The following BID variants were observed in gnomAD, a reference collection of about 807,000 sequenced individuals.
BID encodes the protein BH3-interacting domain death agonist.
Under a neutral mutation model 17.4 loss-of-function variants are expected in BID, and 19 were observed. That is an observed-to-expected ratio of 1.09 (90% CI 0.76 to 1.60). BID has a LOEUF of 1.60. BID is among the 40% of genes most tolerant of loss of function. BID has a pLI of 0.00. For missense variants in BID, 226 were observed against 256.0 expected (o/e 0.88, Z 0.80); for synonymous variants, 108 against 102.8 (o/e 1.05, Z -0.31).
Position 17,753,209 on chromosome 22 carries a change from G to A in BID, c.-58-3035C>T, listed in dbSNP as rs8190284. Among the ~76,000 whole-genome samples, 1,293 of 151,956 alleles carry A rather than the reference G, an allele frequency of 8.5e-3. 14 individuals are homozygous for A. The highest frequency in any genetic ancestry group is 0.029 in the African/African-American group (1,193 of 41,430). ...TCTTGATCTCCTGACCTCATGATCC[G>A]CCCGCCTCAGCCTCCCAAAGTGCTA... On this transcript the variant is annotated intron_variant, in intron 1 of 5. Transcript: ENST00000622694.
intron 2 of BID, among the ~76,000 whole-genome samples, chr22:17,744,347 C>A (rs1385189855): frequency 1.3e-5 from 2 of 152,234 alleles, no homozygotes; most frequent in Admixed American, 1.3e-4. Flanking sequence ...GGGAGGCGAG[C>A]GAGTGTCATG....
chr22:17,749,966 G>A, intron 2 of BID, 139 bp downstream of exon 2: 1 of 785,260 alleles, frequency 1.3e-6, no homozygotes, highest in Non-Finnish European at 2.0e-6. Flanking sequence ...GGGCTGGGCG[G>A]GGTTCGTCTG....
chr22:17,764,005 T>C (rs1378292681), intron 1 of BID, among the ~76,000 whole-genome samples: 1 of 152,222 alleles, frequency 6.6e-6, no homozygotes. Context: ...GAGAATTCAA[T>C]TTCTCATTTC....
chr22:17,735,495 T>G lies in BID; in HGVS notation c.*85A>C. ...GTCTTCTCTAGGAACGCTGTTGACA[T>G]GCCAGGGCTCCGTCTACACTGGAAG... On this transcript the variant is annotated 3_prime_UTR_variant, in exon 6 of 6. Transcript: ENST00000622694. 1 of 1,530,238 alleles carries G rather than the reference T, an allele frequency of 6.5e-7. No individual in the cohort carries two copies. The highest frequency in any genetic ancestry group is 9.1e-7 in the Non-Finnish European group (1 of 1,104,946). The allele number at this position is 1,530,238 out of a possible 1,614,324, so 94.8% of individuals were successfully genotyped here. A position where few individuals can be genotyped will look rare whatever the true frequency, so the allele number is the denominator to read the frequency against.
intron 1 of BID, among the ~76,000 whole-genome samples, chr22:17,763,910 A>ATTTTT (rs879281149): frequency 0.046 from 6,942 of 151,908 alleles, 191 homozygotes; most frequent in African/African-American, 0.087. Context: ...AATTTAAAAA[A>ATTTTT]AAAAAAAATC....
intron 1 of BID, among the ~76,000 whole-genome samples, chr22:17,766,573 G>A (rs1023520203): frequency 6.6e-6 from 1 of 151,212 alleles, no homozygotes; most frequent in South Asian, 2.1e-4. Flanking sequence ...GAGCCACTTC[G>A]CGCCCAGCCT....
chr22:17,771,161 G>A (rs557671763), intron 1 of BID, among the ~76,000 whole-genome samples: 7 of 152,184 alleles, frequency 4.6e-5, no homozygotes, highest in East Asian at 3.9e-4. Context: ...GTGCAGTGGC[G>A]CGATCTCGGC....
At position 17,739,468 on chromosome 22, in the gene BID, T is replaced by C. The variant is rs1569038087; in HGVS notation, c.244A>G (p.Ile82Val). 1 of 1,612,248 alleles carries C rather than the reference T, an allele frequency of 6.2e-7. No homozygotes were observed. The highest frequency in any genetic ancestry group is 8.5e-7 in the Non-Finnish European group (1 of 1,179,774). The stretch of plus-strand genomic sequence containing the variant: ...AGGTGCCTGGCAATATTCCGGATGA[T>C]GTCTTCTTGACTTTCAGAATCTGTG... ...IEADSESQEDIIRNIARHLAQ... is the reference protein window; with the variant it reads ...IEADSESQEDVIRNIARHLAQ... Residue 82 changes from isoleucine to valine, a missense_variant, in exon 4 of 6, where the codon ATC becomes GTC. Physicochemically the swap from Ile to Val is conservative, Grantham distance 29 (BLOSUM62 3). Coordinates refer to ENST00000622694, the MANE Select transcript of BID (RefSeq NM_001196.4).
intron 1 of BID, among the ~76,000 whole-genome samples, chr22:17,762,937 C>T (rs774331861): frequency 2.0e-5 from 3 of 151,956 alleles, no homozygotes; most frequent in Non-Finnish European, 2.9e-5. Context: ...AGTGCAATGG[C>T]GTGATCTTGC....
intron 3 of BID, among the ~76,000 whole-genome samples, chr22:17,743,477 C>G (rs192477508): frequency 2.3e-4 from 35 of 152,232 alleles, no homozygotes; most frequent in African/African-American, 7.7e-4. Flanking sequence ...ATCTTTGTAT[C>G]AGAATCACAT....
At position 17,734,369 on chromosome 22, in the gene BID, C is replaced by G. The variant is rs1305603908; in HGVS notation, c.*1211G>C. ...TCATGAGTCCGTCAGTGCCCTTACT[C>G]ATATGCGTCTCCAGTGGCCTCATGT... On this transcript the variant is annotated 3_prime_UTR_variant, in exon 6 of 6. Coordinates refer to ENST00000622694, the MANE Select transcript of BID (RefSeq NM_001196.4). 1 of 152,192 alleles carries G rather than the reference C, an allele frequency of 6.6e-6. No individual in the cohort carries two copies. The highest frequency in any genetic ancestry group is 6.5e-5 in the Admixed American group (1 of 15,280). The allele number at this position is 152,192 out of a possible 1,614,324, so 9.4% of individuals were successfully genotyped here. A position where few individuals can be genotyped will look rare whatever the true frequency, so the allele number is the denominator to read the frequency against.
At chr22:17,757,706 C>T (rs1283929421) in intron 1 of BID, among the ~76,000 whole-genome samples, 2 of 117,856 alleles carry the variant, frequency 1.7e-5, no homozygotes, top group African/African-American at 1.1e-4. Flanking sequence ...GAGACTCCGT[C>T]TCAAAAAAAA....
chr22:17,751,059 A>G (rs778464617), intron 1 of BID, among the ~76,000 whole-genome samples: 38 of 151,860 alleles, frequency 2.5e-4, no homozygotes, highest in Non-Finnish European at 4.7e-4. Flanking sequence ...TCTGTGCGGC[A>G]TCAGTACAGT....
chr22:17,772,874 G>A (rs566842770), intron 1 of BID, among the ~76,000 whole-genome samples: 2 of 147,668 alleles, frequency 1.4e-5, no homozygotes, highest in East Asian at 2.1e-4. Context: ...GCCATGCCCC[G>A]CTTCCCTCTC....
chr22:17,750,595 G>A (rs962468757), intron 1 of BID, among the ~76,000 whole-genome samples: 1 of 152,204 alleles, frequency 6.6e-6, no homozygotes, highest in South Asian at 2.1e-4. Context: ...TTGGGAGGCC[G>A]AGGCGGGTGG....
chr22:17,754,187 C>T (rs376605549), intron 1 of BID, among the ~76,000 whole-genome samples: 18 of 139,772 alleles, frequency 1.3e-4, no homozygotes, highest in African/African-American at 4.7e-4. Flanking sequence ...AGGACTCTGC[C>T]GGGCGGGGGT....
chr22:17,769,938 C>T lies in BID; in HGVS notation c.-59+4443G>A, dbSNP rs758261064. Among the ~76,000 whole-genome samples, 2 of 152,158 alleles carry T rather than the reference C, an allele frequency of 1.3e-5. No homozygotes were observed. The highest frequency in any genetic ancestry group is 2.9e-5 in the Non-Finnish European group (2 of 68,014). ...GGCCTCCGGTGCCCTCAGGCCTAGC[C>T]TCATTGTCACAGGAACGGAGCTCCT... On this transcript the variant is annotated intron_variant, in intron 1 of 5. Coordinates refer to ENST00000622694, the MANE Select transcript of BID (RefSeq NM_001196.4). This position sits in a 1 kb window ranked among gnomAD's most constrained non-coding sequence, Gnocchi z 4.8.
chr22:17,752,133 ACACT>A (rs1010597967), intron 1 of BID, among the ~76,000 whole-genome samples: 1 of 152,136 alleles, frequency 6.6e-6, no homozygotes, highest in Non-Finnish European at 1.5e-5. Flanking sequence ...AGCTTCCTTC[ACACT>A]CAGATACACG....
intron 2 of BID, among the ~76,000 whole-genome samples, chr22:17,747,392 C>T (rs917547424): frequency 6.6e-6 from 1 of 152,218 alleles, no homozygotes; most frequent in East Asian, 1.9e-4. Context: ...GCCATCTCAG[C>T]TCACTGCAAC....
Sources: allele counts gnomAD v4.1 joint callset (sites outside exome capture counted in the v4.1 genomes callset), GRCh38; gene constraint gnomAD v4.1.1; non-coding constraint Gnocchi (gnomAD v3.1); transcripts MANE v1.5; gene names NCBI Gene and HGNC (gene_info 2026-07-23, HGNC 2026-07-21).